OPRD1: variants seen among roughly 807,000 people sequenced by gnomAD.
The protein encoded by OPRD1 is opioid receptor delta 1, also known as delta-type opioid receptor.
Under a neutral mutation model 17.5 loss-of-function variants are expected in OPRD1, and 19 were observed. The observed-to-expected ratio is 1.09, with a 90% CI of 0.76 to 1.60. The LOEUF (loss-of-function observed/expected upper bound fraction) is 1.60, where lower values mean the gene tolerates loss of function less well. Ranked by LOEUF, OPRD1 falls within the 40% of genes most tolerant of loss-of-function variation. OPRD1 has a pLI of 0.00. For synonymous variants in OPRD1, 256 were observed against 240.9 expected (o/e 1.06, Z -0.58); for missense variants, 483 against 547.2 (o/e 0.88, Z 1.17).
intron 1 of OPRD1, among the ~76,000 whole-genome samples, chr1:28,814,450 G>A (rs1049959133): frequency 1.3e-5 from 2 of 152,218 alleles, no homozygotes; most frequent in Non-Finnish European, 2.9e-5. Flanking sequence ...CTAAAGAAGG[G>A]AGCTTGAGGG....
At chr1:28,833,978 C>T (rs2124270416) in intron 1 of OPRD1, among the ~76,000 whole-genome samples, 1 of 151,952 alleles carries the variant, frequency 6.6e-6, no homozygotes, top group East Asian at 1.9e-4. Flanking sequence ...GTGGTGTGAT[C>T]TCGGCTCACT....
At chr1:28,812,813 G>A (rs911435679) in intron 1 of OPRD1, among the ~76,000 whole-genome samples, 1 of 152,148 alleles carries the variant, frequency 6.6e-6, no homozygotes, top group Non-Finnish European at 1.5e-5. Flanking sequence ...TGTGTGTGTG[G>A]TGCGGGGGGG....
chr1:28,854,113 G>A (rs1361801396), intron 1 of OPRD1, among the ~76,000 whole-genome samples: 1 of 152,132 alleles, frequency 6.6e-6, no homozygotes, highest in Non-Finnish European at 1.5e-5. Context: ...CATGATAGTG[G>A]CTGTCTCTCG....
At chr1:28,834,501 C>T (rs2088833838) in intron 1 of OPRD1, among the ~76,000 whole-genome samples, 1 of 151,548 alleles carries the variant, frequency 6.6e-6, no homozygotes, top group Admixed American at 6.6e-5. Flanking sequence ...CCACCTCAGC[C>T]TCCTGAGTAG....
At chr1:28,828,089 C>A (rs485621) in intron 1 of OPRD1, among the ~76,000 whole-genome samples, 64,481 of 151,772 alleles carry the variant, frequency 0.42, 15,705 homozygotes, top group African/African-American at 0.67. Context: ...CTTTCAGTTT[C>A]CTCTGCCCAG....
chr1:28,863,232 T>A lies in OPRD1; in HGVS notation c.1068T>A (p.Arg356=). ...SRAREATARE[R]VTACTPSDGP... The stretch of plus-strand genomic sequence containing the variant: ...CCCGCGAAGCCACGGCCCGCGAGCG[T>A]GTCACCGCCTGCACCCCGTCCGATG... The change falls in exon 3 of 3, where the codon CGT becomes CGA. Residue 356 remains arginine, a synonymous_variant. Transcript: ENST00000234961. 3.2e-6 allele frequency: 5 copies of A among 1,559,504 alleles called. No homozygotes were observed. The highest frequency in any genetic ancestry group is 4.3e-6 in the Non-Finnish European group (5 of 1,160,882).
chr1:28,861,449 TTTG>T (rs886369398), intron 2 of OPRD1, among the ~76,000 whole-genome samples: 21 of 152,244 alleles, frequency 1.4e-4, no homozygotes, highest in Admixed American at 6.5e-4. Context: ...TTGTTTTGTT[TTTG>T]TTGTTGTTTT....
intron 2 of OPRD1, among the ~76,000 whole-genome samples, chr1:28,860,036 T>A (rs2089098771): frequency 6.6e-6 from 1 of 152,092 alleles, no homozygotes; most frequent in South Asian, 2.1e-4. Context: ...GGCCGGCAGA[T>A]GAATATGGAG....
At chr1:28,838,087 A>G (rs188326463) in intron 1 of OPRD1, among the ~76,000 whole-genome samples, 1 of 151,932 alleles carries the variant, frequency 6.6e-6, no homozygotes, top group African/African-American at 2.4e-5. Flanking sequence ...TCATAGTAGC[A>G]TTCGATAGAA....
rs2089173475 is a variant in OPRD1, at chr1:28,866,056, A to T, written c.*2773A>T. On this transcript the variant is annotated 3_prime_UTR_variant, in exon 3 of 3. Coordinates refer to ENST00000234961, the MANE Select transcript of OPRD1 (RefSeq NM_000911.4). ...GGTCCGGACCACGTGTGTTTAAGGT[A>T]GTGCAAACTTGTATTGAAATCTACT... is the stretch of plus-strand genomic sequence containing the variant. 1 of 152,226 alleles carries T rather than the reference A, an allele frequency of 6.6e-6. No individual in the cohort carries two copies. Among genetic ancestry groups the T allele is most frequent in the Non-Finnish European group, 1.5e-5 (1 of 68,050 alleles). The allele number at this position is 152,226 out of a possible 1,614,324, so 9.4% of individuals were successfully genotyped here. A position where few individuals can be genotyped will look rare whatever the true frequency, so the allele number is the denominator to read the frequency against.
intron 1 of OPRD1, among the ~76,000 whole-genome samples, chr1:28,846,907 TTTTC>T (rs1195716117): frequency 1.9e-4 from 27 of 140,554 alleles, no homozygotes; most frequent in African/African-American, 6.3e-4. Flanking sequence ...CTTTCTTTCT[TTTTC>T]TTTCTTTCTT....
At chr1:28,846,355 C>T (rs896704649) in intron 1 of OPRD1, among the ~76,000 whole-genome samples, 2 of 152,158 alleles carry the variant, frequency 1.3e-5, no homozygotes, top group African/African-American at 4.8e-5. Context: ...CAAGCTGCCA[C>T]CACGGTCAGG....
Position 28,863,335 on chromosome 1 carries a change from T to A in OPRD1, c.*52T>A. 1 of 1,395,114 alleles carries A rather than the reference T, an allele frequency of 7.2e-7. No homozygotes were observed. The highest frequency in any genetic ancestry group is 9.2e-7 in the Non-Finnish European group (1 of 1,082,878). 86.4% of individuals were successfully genotyped at this position (1,395,114 alleles called of 1,614,324 possible). A position where few individuals can be genotyped will look rare whatever the true frequency, so the allele number is the denominator to read the frequency against. On this transcript the variant is annotated 3_prime_UTR_variant, in exon 3 of 3. Transcript: ENST00000234961. Reference sequence around the variant, plus strand: ...CCTCCCTAGTGACCCGGAGGCCACATGAGTCCCAGTGGGAGGCGCGAGCCA... The same window carrying A: ...CCTCCCTAGTGACCCGGAGGCCACAAGAGTCCCAGTGGGAGGCGCGAGCCA...
chr1:28,828,889 C>T (rs1321824159), intron 1 of OPRD1, among the ~76,000 whole-genome samples: 2 of 151,410 alleles, frequency 1.3e-5, no homozygotes, highest in East Asian at 3.9e-4. Context: ...CCTCGGGAGG[C>T]TGAGGCAGGA....
intron 1 of OPRD1, 66 bp downstream of exon 1, chr1:28,812,676 G>C (rs2088642593): frequency 5.2e-6 from 7 of 1,342,394 alleles, no homozygotes; most frequent in South Asian, 1.6e-5. Context: ...TCACGAACTT[G>C]AGACCCCAAG....
chr1:28,816,229 C>T (rs2088670605), intron 1 of OPRD1, among the ~76,000 whole-genome samples: 1 of 152,126 alleles, frequency 6.6e-6, no homozygotes, highest in Non-Finnish European at 1.5e-5. Flanking sequence ...ATTCGTCAGC[C>T]AGTCATCCAA....
rs562978407 is a variant in OPRD1 at position 28,869,711 on chromosome 1, C to T, written c.*6428C>T. On this transcript the variant is annotated 3_prime_UTR_variant, in exon 3 of 3. Transcript: ENST00000234961. ...TTCCTCTGCTTTCCTCTTCCTGCACCCTGAGAGGAAATGCTCTGAGTATAC... is the reference window on the plus strand; with the variant it reads ...TTCCTCTGCTTTCCTCTTCCTGCACTCTGAGAGGAAATGCTCTGAGTATAC... The T allele has an allele frequency of 6.6e-6, 1 of 152,346 alleles. No individual in the cohort carries two copies. The highest frequency in any genetic ancestry group is 2.1e-4 in the South Asian group (1 of 4,822). The allele number at this position is 152,346 out of a possible 1,614,324, so 9.4% of individuals were successfully genotyped here.
chr1:28,841,272 C>G (rs1163227404), intron 1 of OPRD1, among the ~76,000 whole-genome samples: 1 of 152,206 alleles, frequency 6.6e-6, no homozygotes, highest in African/African-American at 2.4e-5. Flanking sequence ...AAACCAGAGC[C>G]GGGTTGGGGA....
chr1:28,837,870 T>C (rs2088866223), intron 1 of OPRD1, among the ~76,000 whole-genome samples: 1 of 145,498 alleles, frequency 6.9e-6, no homozygotes, highest in Non-Finnish European at 1.5e-5. Flanking sequence ...CCTAATCTAG[T>C]ATGACCTCAT....
Sources: allele counts gnomAD v4.1 joint callset (sites outside exome capture counted in the v4.1 genomes callset), GRCh38; gene constraint gnomAD v4.1.1; transcripts MANE v1.5; gene names NCBI Gene and HGNC (gene_info 2026-07-23, HGNC 2026-07-21).